P2RY8: variants seen among roughly 807,000 people sequenced by gnomAD.
The protein encoded by P2RY8 is S-geranylgeranyl-glutathione receptor P2RY8.
Under a neutral mutation model 10.0 loss-of-function variants are expected in P2RY8, and 6 were observed. That is an observed-to-expected ratio of 0.60 (90% CI 0.33 to 1.19). P2RY8 has a LOEUF of 1.19. Ranked by LOEUF, P2RY8 falls within the 50% of genes most tolerant of loss-of-function variation. The probability of loss-of-function intolerance (pLI) is 0.04; values close to 1 mark genes in which losing one functional copy is unlikely to be tolerated. For missense variants in P2RY8, 456 were observed against 542.0 expected, an observed-to-expected ratio of 0.84 and a Z score of 1.58; for synonymous variants, 276 against 252.5, an observed-to-expected ratio of 1.09 and a Z score of -0.88.
intron 1 of P2RY8, among the ~76,000 whole-genome samples, chrX:1,536,102 A>G (rs1410976453): frequency 6.6e-6 from 1 of 152,070 alleles, no homozygotes; most frequent in African/African-American, 2.4e-5. Context: ...AGCATTTGGG[A>G]GTTATTTATA....
chrX:1,513,865 T>G (rs2092318804), intron 1 of P2RY8, among the ~76,000 whole-genome samples: 1 of 152,156 alleles, frequency 6.6e-6, no homozygotes, highest in Non-Finnish European at 1.5e-5. Flanking sequence ...CCTCCTCCTC[T>G]GTGTCTGTGT....
chrX:1,505,119 C>A (rs2092219315), intron 1 of P2RY8, among the ~76,000 whole-genome samples: 1 of 122,492 alleles, frequency 8.2e-6, no homozygotes. Flanking sequence ...GCCTGGGTGA[C>A]AGAGAGAGAC....
chrX:1,530,173 T>G (rs1181314782), intron 1 of P2RY8, among the ~76,000 whole-genome samples: 53 of 100,914 alleles, frequency 5.3e-4, no homozygotes, highest in African/African-American at 2.0e-3. Flanking sequence ...TCTATCTATC[T>G]ATCTATCTAT....
chrX:1,465,542 C>A lies in P2RY8; in HGVS notation c.1017G>T (p.Ala339=), dbSNP rs781579286. 41 of 1,611,958 alleles carry A rather than the reference C, an allele frequency of 2.5e-5. No individual in the cohort carries two copies. The South Asian group carries it at 3.8e-4, about 15-fold the overall frequency. Residue 339 remains alanine (A), a synonymous_variant, in exon 2 of 2, where the codon GCG becomes GCT. Transcript: ENST00000381297. ...TGGCTCCCTCCATCCCTTCAGGGTG[C>A]GCACCGGCCTCGGAGCGCACGGACG... is the stretch of plus-strand genomic sequence containing the variant. The part of the protein sequence containing the change: ...RTTSVRSEAG[A]HPEGMEGATR...
intron 1 of P2RY8, among the ~76,000 whole-genome samples, chrX:1,491,612 G>C (rs1240599023): frequency 1.3e-5 from 2 of 152,164 alleles, no homozygotes; most frequent in African/African-American, 4.8e-5. Context: ...CACAGCCAAT[G>C]AGTGACGGAA....
intron 1 of P2RY8, among the ~76,000 whole-genome samples, chrX:1,469,742 A>C (rs749913494): frequency 2.0e-5 from 3 of 151,946 alleles, no homozygotes; most frequent in Non-Finnish European, 4.4e-5. Flanking sequence ...AAACAAAAAA[A>C]CAAAAAAATT....
chrX:1,532,474 TAG>T (rs1439850952), intron 1 of P2RY8, among the ~76,000 whole-genome samples: 3,344 of 10,064 alleles, frequency 0.33, 136 homozygotes, highest in Middle Eastern at 0.5. Flanking sequence ...CATATATGTA[TAG>T]ATGTATATGT....
At chrX:1,507,905 G>T (rs750004039) in intron 1 of P2RY8, among the ~76,000 whole-genome samples, 1 of 152,096 alleles carries the variant, frequency 6.6e-6, no homozygotes, top group African/African-American at 2.4e-5. Flanking sequence ...AGCCAGCCCC[G>T]TCTGGCACTC....
intron 1 of P2RY8, among the ~76,000 whole-genome samples, chrX:1,486,233 A>G (rs1385533625): frequency 6.6e-6 from 1 of 152,146 alleles, no homozygotes; most frequent in Non-Finnish European, 1.5e-5. Context: ...ACAACAAAAA[A>G]TGGTTGCACC....
intron 1 of P2RY8, among the ~76,000 whole-genome samples, chrX:1,501,561 A>G (rs1355145926): frequency 6.6e-6 from 1 of 151,720 alleles, no homozygotes; most frequent in East Asian, 1.9e-4. Flanking sequence ...GGGTCTCACT[A>G]TATTGCCCCG....
At chrX:1,533,455 T>C (rs1372343036) in intron 1 of P2RY8, among the ~76,000 whole-genome samples, 2 of 143,222 alleles carry the variant, frequency 1.4e-5, no homozygotes, top group African/African-American at 5.1e-5. Flanking sequence ...ATATATTGTA[T>C]ATTTATATAT....
intron 1 of P2RY8, among the ~76,000 whole-genome samples, chrX:1,521,944 CTTTTTTTTTTTTT>C (rs751056296): frequency 2.6e-5 from 1 of 39,020 alleles, no homozygotes; most frequent in African/African-American, 1.2e-4. Context: ...CTCTCGCTCT[CTTTTTTTTTTTTT>C]TTTTTTTTTT....
intron 1 of P2RY8, among the ~76,000 whole-genome samples, chrX:1,510,333 A>G (rs1293416732): frequency 6.6e-6 from 1 of 152,180 alleles, no homozygotes; most frequent in African/African-American, 2.4e-5. Flanking sequence ...TGTCCTCACT[A>G]ATACAAGCTT....
chrX:1,513,426 A>C (rs1296537660), intron 1 of P2RY8, among the ~76,000 whole-genome samples: 2 of 151,902 alleles, frequency 1.3e-5, no homozygotes, highest in Non-Finnish European at 2.9e-5. Context: ...CTAGGGGAGG[A>C]TCCCTCCTGC....
At chrX:1,519,083 A>T (rs2092372350) in intron 1 of P2RY8, among the ~76,000 whole-genome samples, 1 of 148,064 alleles carries the variant, frequency 6.8e-6, no homozygotes, top group African/African-American at 2.5e-5. Flanking sequence ...GTCCCCAATA[A>T]TCTTTCGGCT....
At chrX:1,532,791 G>C (rs5989813) in intron 1 of P2RY8, among the ~76,000 whole-genome samples, 126,711 of 151,574 alleles carry the variant, frequency 0.84, 53,783 homozygotes, top group East Asian at 0.98. Context: ...CACAAGGTCA[G>C]GAGTTTGAGA....
In P2RY8 at chrX:1,462,939, T is replaced by C. The variant is rs1302589186; in HGVS notation, c.*2540A>G. The C allele has an allele frequency of 3.5e-5, 8 of 231,184 alleles. No homozygotes were observed. Among genetic ancestry groups the C allele is most frequent in the Non-Finnish European group, 5.1e-5 (6 of 117,280 alleles). 14.3% of individuals were successfully genotyped at this position (231,184 alleles called of 1,614,324 possible). A position where few individuals can be genotyped will look rare whatever the true frequency, so the allele number is the denominator to read the frequency against. On this transcript the variant is annotated 3_prime_UTR_variant, in exon 2 of 2. Transcript: ENST00000381297. The stretch of plus-strand genomic sequence containing the variant: ...GGCTGTAAGAGGGGGTGTCGGCTGC[T>C]CTCCATAGCCAAGTGGCTGCAAAAA...
chrX:1,521,644 C>A (rs2092392414), intron 1 of P2RY8, among the ~76,000 whole-genome samples: 1 of 152,088 alleles, frequency 6.6e-6, no homozygotes, highest in Non-Finnish European at 1.5e-5. Context: ...GAATGTGGAC[C>A]GTCAGTCATT....
intron 1 of P2RY8, among the ~76,000 whole-genome samples, chrX:1,495,217 A>C (rs2092104352): frequency 6.6e-6 from 1 of 152,128 alleles, no homozygotes; most frequent in African/African-American, 2.4e-5. Flanking sequence ...CCTTTATTAC[A>C]AACAGCGAGC....
Sources: gnomAD v4.1 joint callset for allele counts (sites outside exome capture counted in the v4.1 genomes callset) on GRCh38, gnomAD v4.1.1 for gene constraint, MANE v1.5 for transcripts, NCBI Gene and HGNC (gene_info 2026-07-23, HGNC 2026-07-21) for gene names.